The following ABLIM1 variants were observed in gnomAD, a reference collection of about 807,000 sequenced individuals.
ABLIM1 encodes actin-binding LIM protein 1.
In ABLIM1, 40 loss-of-function variants were observed where a neutral mutation model predicts 107.0. The observed-to-expected ratio is 0.37, with a 90% CI of 0.29 to 0.49. The LOEUF (loss-of-function observed/expected upper bound fraction) is 0.49, where lower values mean the gene tolerates loss of function less well. Among genes scored for constraint, ABLIM1 ranks in the 20% least tolerant of loss-of-function variants. The pLI, the probability that ABLIM1 is intolerant of heterozygous loss-of-function variation, is 0.97. For synonymous variants in ABLIM1, 357 were observed against 357.3 expected (o/e 1.00, Z 0.01); for missense variants, 857 against 1,008.5 (o/e 0.85, Z 2.04).
intron 6 of ABLIM1, among the ~76,000 whole-genome samples, chr10:114,532,353 A>G (rs2065541431): frequency 6.6e-6 from 1 of 152,336 alleles, no homozygotes; most frequent in African/African-American, 2.4e-5. Context: ...GATGGGCACC[A>G]GCCCTAACTC....
At chr10:114,549,241 G>A (rs1373706460) in intron 4 of ABLIM1, among the ~76,000 whole-genome samples, 3 of 152,018 alleles carry the variant, frequency 2.0e-5, no homozygotes, top group South Asian at 2.1e-4. Context: ...AAAATTAGCC[G>A]GGCATGGTGG....
At chr10:114,440,024 TTGGAACATGGC>T in intron 20 of ABLIM1, 47 bp downstream of exon 20, 1 of 1,613,292 alleles carries the variant, frequency 6.2e-7, no homozygotes, top group Non-Finnish European at 8.5e-7. Flanking sequence ...GCAGTCTGGG[TTGGAACATGGC>T]TGTTCTATCG....
At chr10:114,730,360 T>C (rs1286073482) in intron 1 of ABLIM1, among the ~76,000 whole-genome samples, 5 of 139,496 alleles carry the variant, frequency 3.6e-5, no homozygotes, top group African/African-American at 1.1e-4. Context: ...ATCGTGCCAC[T>C]GCACTCCAGT....
chr10:114,535,880 G>T (rs1028683361), intron 6 of ABLIM1, among the ~76,000 whole-genome samples: 18 of 152,072 alleles, frequency 1.2e-4, no homozygotes, highest in Non-Finnish European at 5.9e-5. Context: ...GTACACAGAG[G>T]GTTGACTTTT....
intron 1 of ABLIM1, chr10:114,690,264 T>A: frequency 6.5e-7 from 1 of 1,531,240 alleles, no homozygotes; most frequent in Non-Finnish European, 9.0e-7. Flanking sequence ...AAAGACCACA[T>A]GCTTGCCATC....
chr10:114,784,386 C>T, the ABLIM1 span, among the ~76,000 whole-genome samples: 39 of 139,308 alleles, frequency 2.8e-4, no homozygotes, highest in Non-Finnish European at 3.9e-4. Flanking sequence ...AGAAATGGGC[C>T]GGGCATGGTA....
At chr10:114,710,591 G>A (rs990823193) in intron 1 of ABLIM1, among the ~76,000 whole-genome samples, 1 of 152,070 alleles carries the variant, frequency 6.6e-6, no homozygotes, top group Non-Finnish European at 1.5e-5. Context: ...GGGTGGGAAC[G>A]CAGCCAAACC....
intron 2 of ABLIM1, among the ~76,000 whole-genome samples, chr10:114,596,207 T>C (rs1480552840): frequency 6.6e-6 from 1 of 152,160 alleles, no homozygotes; most frequent in African/African-American, 2.4e-5. Flanking sequence ...GCTCTCCCCA[T>C]CTCCATTCTA....
intron 4 of ABLIM1, among the ~76,000 whole-genome samples, chr10:114,557,519 T>C (rs1469604306): frequency 6.6e-6 from 1 of 152,164 alleles, no homozygotes; most frequent in East Asian, 1.9e-4. Context: ...ATATCATATA[T>C]ACTTAGAGTT....
chr10:114,515,780 A>G (rs2062718599), intron 6 of ABLIM1, among the ~76,000 whole-genome samples: 1 of 152,222 alleles, frequency 6.6e-6, no homozygotes, highest in Admixed American at 6.5e-5. Context: ...GGAGGGAGAC[A>G]GACAAGGAGA....
chr10:114,533,206 TG>T (rs2065632284), intron 6 of ABLIM1, among the ~76,000 whole-genome samples: 1 of 151,928 alleles, frequency 6.6e-6, no homozygotes. Flanking sequence ...CCAGGGGTGG[TG>T]GTACGCGCCT....
At chr10:114,722,774 T>A (rs1296248560) in intron 1 of ABLIM1, among the ~76,000 whole-genome samples, 1 of 152,252 alleles carries the variant, frequency 6.6e-6, no homozygotes, top group Non-Finnish European at 1.5e-5. Flanking sequence ...TGAGTGCTGC[T>A]AGCTGGAGAG....
chr10:114,606,682 T>G (rs2076439437), intron 1 of ABLIM1, among the ~76,000 whole-genome samples: 1 of 152,222 alleles, frequency 6.6e-6, no homozygotes, highest in Non-Finnish European at 1.5e-5. Context: ...ACACGGTGCT[T>G]GATGGCTTCC....
At chr10:114,444,324 G>T (rs892007441) in intron 16 of ABLIM1, among the ~76,000 whole-genome samples, 190 bp from the exon 17 acceptor site, 4 of 152,032 alleles carry the variant, frequency 2.6e-5, no homozygotes, top group African/African-American at 9.7e-5. Context: ...AACCCTCTTA[G>T]CCCTTTCAGT....
At chr10:114,594,691 A>G (rs753280849) in intron 2 of ABLIM1, among the ~76,000 whole-genome samples, 1 of 152,236 alleles carries the variant, frequency 6.6e-6, no homozygotes, top group Non-Finnish European at 1.5e-5. Context: ...TGGAGGTTGC[A>G]GTGAGCCAAG....
At chr10:114,583,661 G>T (rs1320001164) in intron 2 of ABLIM1, among the ~76,000 whole-genome samples, 2 of 151,394 alleles carry the variant, frequency 1.3e-5, no homozygotes, top group African/African-American at 4.9e-5. Flanking sequence ...CAAAAGACAC[G>T]TGTACTCTTC....
intron 4 of ABLIM1, among the ~76,000 whole-genome samples, chr10:114,550,016 G>A (rs1414209738): frequency 2.0e-5 from 3 of 152,118 alleles, no homozygotes; most frequent in Non-Finnish European, 4.4e-5. Context: ...CACATCCTCT[G>A]TGTTGTTTGA....
At chr10:114,725,735 ATGTG>A (rs3981295) in intron 1 of ABLIM1, among the ~76,000 whole-genome samples, 18,226 of 142,166 alleles carry the variant, frequency 0.13, 1,217 homozygotes, top group East Asian at 0.27. Context: ...TATATATAAA[ATGTG>A]TGTGTGTGTG....
chr10:114,739,939 T>C (rs1566291525), intron 1 of ABLIM1, among the ~76,000 whole-genome samples: 1 of 152,058 alleles, frequency 6.6e-6, no homozygotes, highest in Non-Finnish European at 1.5e-5. Flanking sequence ...AAAGAAGCAA[T>C]AAATATCCTG....
Sources: allele counts gnomAD v4.1 joint callset (sites outside exome capture counted in the v4.1 genomes callset), GRCh38; gene constraint gnomAD v4.1.1; transcripts MANE v1.5; gene names NCBI Gene and HGNC (gene_info 2026-07-23, HGNC 2026-07-21).